PDIA4: variants seen among roughly 807,000 people sequenced by gnomAD.
PDIA4 encodes the protein protein disulfide isomerase family A member 4.
In PDIA4, 33 loss-of-function variants were observed where a neutral mutation model predicts 62.1. The observed-to-expected ratio is 0.53, with a 90% CI of 0.40 to 0.71. PDIA4 has a LOEUF of 0.71. PDIA4 is among the 30% of genes least tolerant of loss of function. PDIA4 has a pLI of 0.00. For missense variants in PDIA4, 804 were observed against 813.6 expected (o/e 0.99, Z 0.14); for synonymous variants, 341 against 324.1 (o/e 1.05, Z -0.56).
At chr7:149,024,481 T>G (rs1824466726) in intron 1 of PDIA4, among the ~76,000 whole-genome samples, 1 of 152,056 alleles carries the variant, frequency 6.6e-6, no homozygotes, top group Admixed American at 6.6e-5. Flanking sequence ...CACTTTTCAC[T>G]GGGCTTCATT....
chr7:149,008,454 A>T, intron 6 of PDIA4, 144 bp from the exon 7 acceptor site: 1 of 767,872 alleles, frequency 1.3e-6, no homozygotes, highest in Non-Finnish European at 2.1e-6. Context: ...TAATCCCAGC[A>T]CACTTTGGGA....
Position 149,012,587 on chromosome 7 carries a change from G to A in PDIA4, c.615-227C>T, listed in dbSNP as rs555981010. On this transcript the variant is annotated intron_variant, in intron 4 of 9. Coordinates refer to ENST00000652332, the MANE Select transcript of PDIA4 (RefSeq NM_004911.5). ...TTCACACACTGGGGGTGGAGCATGC[G>A]TACACACATGTACAGGACACAGACA... 2.9e-4 allele frequency among the ~76,000 whole-genome samples: 44 copies of A among 152,246 alleles called. No homozygotes were observed. In the East Asian group the frequency reaches 6.0e-3, roughly 21 times the overall value.
At chr7:149,013,754 T>C (rs1469660960) in intron 4 of PDIA4, among the ~76,000 whole-genome samples, 1 of 151,852 alleles carries the variant, frequency 6.6e-6, no homozygotes, top group East Asian at 1.9e-4. Context: ...ACCAAAAAAC[T>C]GTTTGTGAAT....
intron 4 of PDIA4, 50 bp from the exon 5 acceptor site, chr7:149,012,410 CT>C (rs1209316458): frequency 6.7e-7 from 1 of 1,500,776 alleles, no homozygotes; most frequent in Non-Finnish European, 9.2e-7. Flanking sequence ...TGTGGACTCA[CT>C]TTCTAGCTAA....
intron 1 of PDIA4, among the ~76,000 whole-genome samples, chr7:149,025,327 T>C (rs1824514239): frequency 6.6e-6 from 1 of 151,976 alleles, no homozygotes; most frequent in African/African-American, 2.4e-5. Flanking sequence ...GGCAGCTCCT[T>C]TTAGGATGTC....
chr7:149,020,622 C>A (rs964107660), intron 2 of PDIA4, among the ~76,000 whole-genome samples: 10 of 152,288 alleles, frequency 6.6e-5, no homozygotes, highest in African/African-American at 2.2e-4. Flanking sequence ...TGAGACAGGT[C>A]GGAGCAGAAT....
rs555407874 is a variant in PDIA4, at chr7:149,019,107, G to A, written c.360C>T (p.Ile120=). 6.8e-6 allele frequency: 11 copies of A among 1,613,570 alleles called. No individual in the cohort carries two copies. In the African/African-American group the frequency reaches 8.0e-5, roughly 12 times the overall value. ...DKDPPIPVAK[I]DATSASVLAS... ...CCAGCACAGACGCTGAGGTTGCATCGATCTTGGCAACAGGAATGGGAGGAT... is the reference window on the plus strand; with the variant it reads ...CCAGCACAGACGCTGAGGTTGCATCAATCTTGGCAACAGGAATGGGAGGAT... Residue 120 remains isoleucine, a synonymous_variant, in exon 3 of 10, where the codon ATC becomes ATT. Coordinates refer to ENST00000652332, the MANE Select transcript of PDIA4 (RefSeq NM_004911.5).
At chr7:149,010,043 G>A (rs148547729) in intron 6 of PDIA4, among the ~76,000 whole-genome samples, 2 of 152,136 alleles carry the variant, frequency 1.3e-5, no homozygotes, top group African/African-American at 2.4e-5. Context: ...GGCAGGGGAT[G>A]GGGGGGCAGC....
chr7:149,020,924 C>A (rs377733868), intron 2 of PDIA4, 43 bp downstream of exon 2: 8 of 1,598,886 alleles, frequency 5.0e-6, no homozygotes, highest in Non-Finnish European at 5.1e-6. Context: ...GCGAATGGAG[C>A]ACAGCGCTTG....
At chr7:149,013,156 G>A (rs1228024544) in intron 4 of PDIA4, among the ~76,000 whole-genome samples, 1 of 152,002 alleles carries the variant, frequency 6.6e-6, no homozygotes, top group Non-Finnish European at 1.5e-5. Context: ...GCTGAGACAG[G>A]AGTATCGCTT....
In PDIA4 at chr7:149,005,202, G is replaced by A; in HGVS notation, c.1461C>T (p.Ala487=). The A allele has an allele frequency of 6.2e-7, 1 of 1,614,116 alleles. No individual in the cohort carries two copies. Residue 487 remains alanine (A), a synonymous_variant, in exon 9 of 10, where the codon GCC becomes GCT. Coordinates refer to ENST00000652332, the MANE Select transcript of PDIA4 (RefSeq NM_004911.5). ...AILDESGKKF[A]MEPEEFDSDT... is the part of the protein sequence containing the mutation. ...CAGAGTCAAACTCCTCTGGCTCCAT[G>A]GCGAACTTCTTCCCACTCTCGTCCA...
intron 3 of PDIA4, among the ~76,000 whole-genome samples, chr7:149,018,012 G>A (rs961764359): frequency 6.6e-6 from 1 of 152,162 alleles, no homozygotes; most frequent in Non-Finnish European, 1.5e-5. Context: ...GGCGGATCAC[G>A]AGGTCAGGAG....
rs1824076812 is a variant in PDIA4, at chr7:149,014,917, A to C, written c.601T>G (p.Phe201Val). The change falls in exon 4 of 10, where the codon TTT (phenylalanine) becomes GTT (valine). Residue 201 changes from phenylalanine (F) to valine (V), a missense_variant. Physicochemically the swap from Phe to Val is conservative, Grantham distance 50. Transcript: ENST00000652332. ...VNDADIILVE[F>V]YAPWCGHCKK... ...ACACCACCTTACCATGGGGCATAAA[A>C]CTCCACCAGAATGATATCTGCATCA... 6.2e-7 allele frequency: 1 copy of C among 1,613,884 alleles called. No individual in the cohort carries two copies. The highest frequency in any genetic ancestry group is 1.1e-5 in the South Asian group (1 of 91,056).
intron 3 of PDIA4, 92 bp from the exon 4 acceptor site, chr7:149,015,134 C>T: frequency 7.5e-7 from 1 of 1,337,510 alleles, no homozygotes; most frequent in African/African-American, 1.4e-5. Flanking sequence ...GGGAAGAAAG[C>T]AAGTGTCGGG....
At chr7:149,014,225 G>A (rs1008293260) in intron 4 of PDIA4, among the ~76,000 whole-genome samples, 12 of 151,932 alleles carry the variant, frequency 7.9e-5, no homozygotes, top group Non-Finnish European at 1.5e-4. Context: ...CCCACCCCCC[G>A]GCCTGTGCAT....
Position 149,015,969 on chromosome 7 carries a change from C to T in PDIA4, c.476-927G>A, listed in dbSNP as rs190873831. 1.8e-4 allele frequency among the ~76,000 whole-genome samples: 28 copies of T among 152,348 alleles called. No individual in the cohort carries two copies. In the East Asian group the frequency reaches 4.6e-3, roughly 25 times the overall value. On this transcript the variant is annotated intron_variant, in intron 3 of 9. Coordinates refer to ENST00000652332, the MANE Select transcript of PDIA4 (RefSeq NM_004911.5). ...CAAATGTTGGCCACAGACCTCCAAACGCATATGCCTGTTTACTTCACAACA... is the reference window on the plus strand; with the variant it reads ...CAAATGTTGGCCACAGACCTCCAAATGCATATGCCTGTTTACTTCACAACA...
intron 1 of PDIA4, among the ~76,000 whole-genome samples, chr7:149,026,786 G>A (rs1458817053): frequency 5.0e-5 from 7 of 141,146 alleles, no homozygotes; most frequent in East Asian, 4.7e-4. Flanking sequence ...GCAACAATGC[G>A]TAACCTTATC....
intron 4 of PDIA4, among the ~76,000 whole-genome samples, chr7:149,014,175 T>A (rs1824047810): frequency 6.6e-6 from 1 of 152,164 alleles, no homozygotes. Flanking sequence ...AACAAGGGTG[T>A]CCTGGTCCCA....
intron 3 of PDIA4, among the ~76,000 whole-genome samples, chr7:149,015,346 C>T (rs934008257): frequency 2.6e-5 from 4 of 152,128 alleles, no homozygotes; most frequent in South Asian, 2.1e-4. Flanking sequence ...ACTAACTCCA[C>T]GCAAACCCTC....
Sources: allele counts gnomAD v4.1 joint callset (sites outside exome capture counted in the v4.1 genomes callset), GRCh38; gene constraint gnomAD v4.1.1; transcripts MANE v1.5; gene names NCBI Gene and HGNC (gene_info 2026-07-23, HGNC 2026-07-21).